The following PPP2R2C variants were observed in gnomAD, a reference collection of about 807,000 sequenced individuals.
The protein encoded by PPP2R2C is protein phosphatase 2 regulatory subunit Bgamma.
Under a neutral mutation model 45.3 loss-of-function variants are expected in PPP2R2C, and 10 were observed. That is an observed-to-expected ratio of 0.22 (90% CI 0.14 to 0.37). The LOEUF is 0.37. Among genes scored for constraint, PPP2R2C ranks in the 10% least tolerant of loss-of-function variants. The pLI, the probability that PPP2R2C is intolerant of heterozygous loss-of-function variation, is 1.00. For missense variants in PPP2R2C, 308 were observed against 619.7 expected (o/e 0.50, Z 5.34); for synonymous variants, 257 against 245.4 (o/e 1.05, Z -0.44).
intron 2 of PPP2R2C, among the ~76,000 whole-genome samples, chr4:6,379,156 C>CT (rs1715588089): frequency 6.6e-6 from 1 of 152,156 alleles, no homozygotes; most frequent in Non-Finnish European, 1.5e-5. Flanking sequence ...GACAGAATGT[C>CT]TGGCAATGTC....
At position 6,450,442 on chromosome 4, in the gene PPP2R2C, G is replaced by A. The variant is rs73207822; in HGVS notation, c.70+21718C>T. ...CTGGGTCACAGAAAAATCAAGCAAC[G>A]GTTCAGCCTCACTCTCAAGATCACC... On this transcript the variant is annotated intron_variant, in intron 1 of 8. Coordinates refer to ENST00000382599, the MANE Select transcript of PPP2R2C (RefSeq NM_020416.4). Among the ~76,000 whole-genome samples the A allele has an allele frequency of 1.3e-3, 195 of 152,248 alleles. 1 individual carries two copies. Among genetic ancestry groups the A allele is most frequent in the South Asian group, 4.8e-3 (23 of 4,816 alleles).
chr4:6,557,130 T>C (rs545126608), intron 1 of PPP2R2C, among the ~76,000 whole-genome samples: 2 of 152,326 alleles, frequency 1.3e-5, no homozygotes, highest in African/African-American at 4.8e-5. Context: ...TTAACTACAC[T>C]GTACTTGCTA....
At chr4:6,427,332 G>A (rs1347296528) in intron 1 of PPP2R2C, among the ~76,000 whole-genome samples, 2 of 152,240 alleles carry the variant, frequency 1.3e-5, no homozygotes, top group Non-Finnish European at 2.9e-5. Flanking sequence ...ATCCTGGCAG[G>A]ACAGTGCCTT....
At chr4:6,558,816 C>T (rs757449630) in intron 1 of PPP2R2C, among the ~76,000 whole-genome samples, 1 of 152,212 alleles carries the variant, frequency 6.6e-6, no homozygotes, top group Non-Finnish European at 1.5e-5. Context: ...AGGATTTCCA[C>T]AGTGTCTCCC....
rs2109167620 is a variant in PPP2R2C, at chr4:6,331,090, A to T, written c.961-1737T>A. Among the ~76,000 whole-genome samples the T allele has an allele frequency of 6.6e-6, 1 of 152,270 alleles. No individual in the cohort carries two copies. Among genetic ancestry groups the T allele is most frequent in the African/African-American group, 2.4e-5 (1 of 41,554 alleles). The stretch of plus-strand genomic sequence containing the variant: ...AAAATCAAGGGGGATGAATGGCAGC[A>T]GGTTTTAGTGTTCGTGTCCCACCCC... On this transcript the variant is annotated intron_variant, in intron 7 of 8. Coordinates refer to ENST00000382599, the MANE Select transcript of PPP2R2C (RefSeq NM_020416.4). This position sits in a 1 kb window ranked among gnomAD's most constrained non-coding sequence, Gnocchi z 5.9.
At chr4:6,488,040 T>C (rs1201359600) in intron 2 of PPP2R2C, among the ~76,000 whole-genome samples, 1 of 152,246 alleles carries the variant, frequency 6.6e-6, no homozygotes, top group Non-Finnish European at 1.5e-5. Flanking sequence ...TTTCATATTA[T>C]ACATTGTAAT....
chr4:6,368,224 T>C lies in PPP2R2C; in HGVS notation c.625+4299A>G, dbSNP rs1245013878. 6.6e-6 allele frequency among the ~76,000 whole-genome samples: 1 copy of C among 152,112 alleles called. No homozygotes were observed. Among genetic ancestry groups the C allele is most frequent in the Non-Finnish European group, 1.5e-5 (1 of 68,020 alleles). On this transcript the variant is annotated intron_variant, in intron 5 of 8. Transcript: ENST00000382599. This position sits in a 1 kb window ranked among gnomAD's most constrained non-coding sequence, Gnocchi z 4.2. ...TCAGCTCCGTGTCTACATCCTCACT[T>C]GGCAAAAACCACACCCCTGGCTTAC...
Position 6,421,031 on chromosome 4 carries a change from G to A in PPP2R2C, c.71-39937C>T, listed in dbSNP as rs916484331. 13 of 985,052 alleles carry A rather than the reference G, an allele frequency of 1.3e-5. 1 individual carries two copies. Among genetic ancestry groups the A allele is most frequent in the Non-Finnish European group, 4.8e-6 (4 of 829,716 alleles). 61.0% of individuals were successfully genotyped at this position (985,052 alleles called of 1,614,324 possible). ...CTGAGGAGGGCTTCGTGGAGGAAGC[G>A]GTGCTTTGTGTGCACCCTTCTTCCT... On this transcript the variant is annotated intron_variant, in intron 1 of 8. Transcript: ENST00000382599.
At chr4:6,401,680 C>T (rs1717419745) in intron 1 of PPP2R2C, among the ~76,000 whole-genome samples, 1 of 152,162 alleles carries the variant, frequency 6.6e-6, no homozygotes, top group South Asian at 2.1e-4. Flanking sequence ...ACAATTTTAT[C>T]CAAGTGTCTC....
intron 1 of PPP2R2C, among the ~76,000 whole-genome samples, chr4:6,391,722 C>A (rs994509681): frequency 1.3e-5 from 2 of 152,226 alleles, no homozygotes; most frequent in Non-Finnish European, 1.5e-5. Context: ...GTGGCCGACA[C>A]AGTGACCCTT....
rs1277341566 is a variant in PPP2R2C, at chr4:6,331,103, C to T, written c.961-1750G>A. On this transcript the variant is annotated intron_variant, in intron 7 of 8. Coordinates refer to ENST00000382599, the MANE Select transcript of PPP2R2C (RefSeq NM_020416.4). This position sits in a 1 kb window ranked among gnomAD's most constrained non-coding sequence, Gnocchi z 5.9. Reference sequence around the variant, plus strand: ...ATGAATGGCAGCAGGTTTTAGTGTTCGTGTCCCACCCCCGGCTCTGCATTT... The same window carrying T: ...ATGAATGGCAGCAGGTTTTAGTGTTTGTGTCCCACCCCCGGCTCTGCATTT... Among the ~76,000 whole-genome samples the T allele has an allele frequency of 6.6e-6, 1 of 152,146 alleles. No homozygotes were observed. The highest frequency in any genetic ancestry group is 6.5e-5 in the Admixed American group (1 of 15,278).
rs1221903505 is a variant in PPP2R2C, at chr4:6,368,530, C to T, written c.625+3993G>A. Among the ~76,000 whole-genome samples the T allele has an allele frequency of 1.3e-5, 2 of 152,102 alleles. No homozygotes were observed. The highest frequency in any genetic ancestry group is 1.3e-4 in the Admixed American group (2 of 15,274). ...GCGGACAGGGCACAATCTGTGTGTT[C>T]GGGACGGGACAGGAGGCAAGGCTCA... On this transcript the variant is annotated intron_variant, in intron 5 of 8. Transcript: ENST00000382599. The surrounding 1 kb of genome is among the most constrained non-coding windows in gnomAD (Gnocchi z 4.2).
intron 2 of PPP2R2C, among the ~76,000 whole-genome samples, chr4:6,513,939 G>A (rs1421678019): frequency 1.3e-5 from 2 of 152,154 alleles, no homozygotes; most frequent in Non-Finnish European, 2.9e-5. Context: ...GCAAATCTCT[G>A]GTGGAAATAA....
chr4:6,376,556 T>C (rs571038827), intron 3 of PPP2R2C, among the ~76,000 whole-genome samples: 2 of 152,020 alleles, frequency 1.3e-5, no homozygotes, highest in Non-Finnish European at 2.9e-5. Flanking sequence ...CGGTCTCAGA[T>C]GATCCTTCAA....
Position 6,383,489 on chromosome 4 carries a change from G to T in PPP2R2C, c.71-2395C>A, listed in dbSNP as rs1340808319. ...TCCTTGCCCTTTCCCAAAAGTCCTG[G>T]CCACCTGCTGTCCCAAGACCTGCTC... is the stretch of plus-strand genomic sequence containing the variant. On this transcript the variant is annotated intron_variant, in intron 1 of 8. Transcript: ENST00000382599. The T allele has an allele frequency of 2.5e-6, 3 of 1,208,508 alleles. No individual in the cohort carries two copies. The Admixed American group carries it at 7.0e-5, about 28-fold the overall frequency. 74.9% of individuals were successfully genotyped at this position (1,208,508 alleles called of 1,614,324 possible).
At chr4:6,522,623 T>C (rs1724062824) in intron 2 of PPP2R2C, among the ~76,000 whole-genome samples, 1 of 152,252 alleles carries the variant, frequency 6.6e-6, no homozygotes, top group Admixed American at 6.5e-5. Context: ...TGAGTTCTGC[T>C]CAAATGTGGG....
intron 1 of PPP2R2C, among the ~76,000 whole-genome samples, chr4:6,408,272 G>A (rs1394530423): frequency 6.6e-6 from 1 of 152,146 alleles, no homozygotes; most frequent in Non-Finnish European, 1.5e-5. Context: ...CCCCCACCAG[G>A]GGCCAAATGT....
chr4:6,434,629 G>T (rs555857261), intron 1 of PPP2R2C, among the ~76,000 whole-genome samples: 2 of 152,166 alleles, frequency 1.3e-5, no homozygotes, highest in East Asian at 3.9e-4. Context: ...AAAGTGCTGG[G>T]ATTACAGGCA....
intron 8 of PPP2R2C, among the ~76,000 whole-genome samples, chr4:6,323,847 G>A (rs922894790): frequency 6.6e-6 from 1 of 151,590 alleles, no homozygotes; most frequent in African/African-American, 2.4e-5. Flanking sequence ...AGCCTGGGGA[G>A]GCAGGAGGAT....
Sources: allele counts gnomAD v4.1 joint callset (sites outside exome capture counted in the v4.1 genomes callset), GRCh38; gene constraint gnomAD v4.1.1; non-coding constraint Gnocchi (gnomAD v3.1); transcripts MANE v1.5; gene names NCBI Gene and HGNC (gene_info 2026-07-23, HGNC 2026-07-21).